Variants in ENOX2 observed in about 807,000 individuals in gnomAD.
The protein encoded by ENOX2 is ecto-NOX disulfide-thiol exchanger 2, also known as APK1 antigen.
ENOX2 carries 36 observed loss-of-function variants against 45.0 expected under a neutral mutation model. The ratio of observed to expected loss-of-function variants is 0.80; its 90% CI spans 0.61 to 1.06. The LOEUF (loss-of-function observed/expected upper bound fraction) is 1.06. ENOX2 is among the 50% of genes least tolerant of loss of function. The probability of loss-of-function intolerance (pLI) is 0.00; values close to 1 mark genes in which losing one functional copy is unlikely to be tolerated. For missense variants in ENOX2, 423 were observed against 462.5 expected (o/e 0.91, Z 0.78); for synonymous variants, 174 against 152.3 (o/e 1.14, Z -1.05).
At chrX:130,740,821 TG>T (rs1252403236) in intron 3 of ENOX2, among the ~76,000 whole-genome samples, 5 of 111,890 alleles carry the variant, frequency 4.5e-5, no homozygotes, top group Non-Finnish European at 9.4e-5. Flanking sequence ...GACATAACAA[TG>T]GTTAAGAGCT....
At position 130,710,423 on chromosome X, in the gene ENOX2, C is replaced by T. The variant is rs775688364; in HGVS notation, c.-38-7169G>A. Among the ~76,000 whole-genome samples, 5 of 112,031 alleles carry T rather than the reference C, an allele frequency of 4.5e-5. No individual in the cohort carries two copies. The South Asian group carries it at 1.9e-3, about 43-fold the overall frequency. On this transcript the variant is annotated intron_variant, in intron 3 of 14. Transcript: ENST00000394363. ...CCTCTATTGCAGTGCCAAGTTTGCC[C>T]CACAGGGGACATTTGGCAGTATCTG...
intron 2 of ENOX2, among the ~76,000 whole-genome samples, chrX:130,797,315 C>T (rs1302504478): frequency 9.0e-6 from 1 of 111,480 alleles, no homozygotes; most frequent in East Asian, 2.8e-4. Flanking sequence ...AAGTTGAGAT[C>T]AGAAAAGACC....
At chrX:130,816,326 T>G (rs1033359698) in intron 2 of ENOX2, among the ~76,000 whole-genome samples, 3 of 110,957 alleles carry the variant, frequency 2.7e-5, no homozygotes, top group African/African-American at 9.9e-5. Flanking sequence ...GTGGGAGATT[T>G]TAACACCCCA....
chrX:130,757,614 T>C (rs1490675467), intron 3 of ENOX2, among the ~76,000 whole-genome samples: 1 of 112,178 alleles, frequency 8.9e-6, no homozygotes, highest in African/African-American at 3.2e-5. Flanking sequence ...TGTACTTAAG[T>C]GTCCTGTCCC....
chrX:130,680,057 A>C (rs1311906642), intron 5 of ENOX2, among the ~76,000 whole-genome samples: 1 of 112,086 alleles, frequency 8.9e-6, no homozygotes, highest in Admixed American at 9.4e-5. Context: ...CCAAATTTTT[A>C]GTCATTTTTA....
In ENOX2 at chrX:130,667,685, T is replaced by C; in HGVS notation, c.752A>G (p.Glu251Gly). 1.7e-6 allele frequency: 2 copies of C among 1,210,658 alleles called. No individual in the cohort carries two copies. The highest frequency in any genetic ancestry group is 2.2e-6 in the Non-Finnish European group (2 of 894,468). ...GTTATTGGCGCTACGACGGTTGACC[T>C]CTCCTCGCTCTATCCAGGTAAGCAA... ...QTLLTWIERG[E>G]VNRRSANNFY... Residue 251 changes from glutamate to glycine, a missense_variant, in exon 8 of 15, where the codon GAG becomes GGG. Physicochemically the swap from Glu to Gly is moderately conservative, Grantham distance 98. Around this residue, in one of 5 missense-constraint regions of ENOX2, gnomAD observed 261 missense variants for 306.8 expected, o/e 0.85. Transcript: ENST00000394363.
intron 6 of ENOX2, among the ~76,000 whole-genome samples, chrX:130,678,087 TA>T (rs371260035): frequency 0.032 from 3,084 of 97,558 alleles, 99 homozygotes; most frequent in African/African-American, 0.097. Flanking sequence ...GACTCCATCT[TA>T]AAAAAAAAAA....
intron 12 of ENOX2, among the ~76,000 whole-genome samples, chrX:130,633,539 G>C (rs1020737082): frequency 2.7e-5 from 3 of 112,647 alleles, no homozygotes; most frequent in Non-Finnish European, 5.6e-5. Context: ...ACACTTCATG[G>C]TCTATTCAGT....
intron 7 of ENOX2, among the ~76,000 whole-genome samples, chrX:130,668,074 T>TGAGA (rs1408573516): frequency 1.9e-5 from 2 of 107,108 alleles, no homozygotes; most frequent in East Asian, 3.0e-4. Flanking sequence ...TGTGTGTGTG[T>TGAGA]GTGAGAGAGA....
intron 3 of ENOX2, among the ~76,000 whole-genome samples, chrX:130,756,387 C>T (rs2039356212): frequency 8.9e-6 from 1 of 112,162 alleles, no homozygotes; most frequent in South Asian, 3.8e-4. Context: ...GATGTCATAG[C>T]TTTCCTGGAA....
chrX:130,901,972 G>A (rs1048136056), intron 1 of ENOX2, among the ~76,000 whole-genome samples: 1 of 111,379 alleles, frequency 9.0e-6, no homozygotes, highest in Admixed American at 9.5e-5. Flanking sequence ...CTCAGTAGCA[G>A]GAAGCATTTT....
intron 11 of ENOX2, among the ~76,000 whole-genome samples, chrX:130,636,250 T>C (rs939641569): frequency 2.7e-5 from 3 of 112,477 alleles, no homozygotes; most frequent in Non-Finnish European, 5.6e-5. Context: ...TTCACACATT[T>C]TGTTAACAGA....
At chrX:130,641,990 T>C (rs184707764) in intron 10 of ENOX2, among the ~76,000 whole-genome samples, 34 of 112,206 alleles carry the variant, frequency 3.0e-4, no homozygotes, top group Non-Finnish European at 5.1e-4. Context: ...ACAACATCCA[T>C]ACCGTAGCCT....
At chrX:130,828,511 C>T (rs966837971) in intron 2 of ENOX2, among the ~76,000 whole-genome samples, 8 of 111,840 alleles carry the variant, frequency 7.2e-5, no homozygotes, top group South Asian at 3.7e-4. Context: ...TAATACCATA[C>T]GGAAAGTAAC....
chrX:130,792,820 C>T (rs185914450), intron 2 of ENOX2, among the ~76,000 whole-genome samples: 2 of 112,016 alleles, frequency 1.8e-5, no homozygotes, highest in East Asian at 5.6e-4. Context: ...AAAACAAAAC[C>T]AGAAAGAAAG....
intron 4 of ENOX2, among the ~76,000 whole-genome samples, chrX:130,695,500 CT>C (rs2037733072): frequency 9.0e-6 from 1 of 111,141 alleles, no homozygotes; most frequent in South Asian, 3.9e-4. Context: ...CCAAGCTCCC[CT>C]GGCCCAATAA....
At chrX:130,762,982 T>C (rs2039528026) in intron 3 of ENOX2, among the ~76,000 whole-genome samples, 1 of 111,869 alleles carries the variant, frequency 8.9e-6, no homozygotes, top group African/African-American at 3.2e-5. Flanking sequence ...TATCGGTTTT[T>C]GTTTCACACA....
At chrX:130,634,854 C>A (rs752793733) in intron 12 of ENOX2, 130 bp downstream of exon 12, 17 of 428,694 alleles carry the variant, frequency 4.0e-5, no homozygotes, top group South Asian at 2.5e-4. Context: ...CCGAGAGGGG[C>A]TTTTAATTCC....
rs1033361063 is a variant in ENOX2 at position 130,735,514 on chromosome X, A to T, written c.-38-32260T>A. Among the ~76,000 whole-genome samples the T allele has an allele frequency of 3.6e-5, 4 of 112,184 alleles. No individual in the cohort carries two copies. In the Admixed American group the frequency reaches 3.8e-4, roughly 11 times the overall value. On this transcript the variant is annotated intron_variant, in intron 3 of 14. Coordinates refer to ENST00000394363, the MANE Select transcript of ENOX2 (RefSeq NM_006375.4). ...CTGGTTCTGTGTCTATATTAATAAA[A>T]TGGAAACCTCTTGCCATTTATGAAA...
Sources: allele counts gnomAD v4.1 joint callset (sites outside exome capture counted in the v4.1 genomes callset), GRCh38; gene constraint gnomAD v4.1.1; regional missense constraint gnomAD v4.1.1; transcripts MANE v1.5; gene names NCBI Gene and HGNC (gene_info 2026-07-23, HGNC 2026-07-21).